The following AIMP1 variants were observed in gnomAD, a reference collection of about 807,000 sequenced individuals.
The protein encoded by AIMP1 is aminoacyl tRNA synthase complex-interacting multifunctional protein 1.
A neutral mutation model predicts 33.1 loss-of-function variants in AIMP1; 24 were observed. That is an observed-to-expected ratio of 0.73 (90% CI 0.53 to 1.02). The LOEUF is 1.02. Among genes scored for constraint, AIMP1 ranks in the 50% least tolerant of loss-of-function variants. AIMP1 has a pLI of 0.00. For missense variants in AIMP1, 367 were observed against 364.8 expected, an observed-to-expected ratio of 1.01 and a Z score of -0.05; for synonymous variants, 120 against 121.5, an observed-to-expected ratio of 0.99 and a Z score of 0.08.
intron 1 of AIMP1, among the ~76,000 whole-genome samples, chr4:106,318,302 C>A (rs1309757587): frequency 6.6e-6 from 1 of 152,144 alleles, no homozygotes; most frequent in African/African-American, 2.4e-5. Context: ...TCTTTAAATT[C>A]TGACTTTTGA....
chr4:106,321,510 C>T, intron 1 of AIMP1: 1 of 155,722 alleles, frequency 6.4e-6, no homozygotes, highest in East Asian at 1.9e-4. Context: ...CTCCGCCCGG[C>T]AGCCGCCCCG....
At chr4:106,345,212 T>A (rs1276246632) in intron 6 of AIMP1, among the ~76,000 whole-genome samples, 1 of 152,210 alleles carries the variant, frequency 6.6e-6, no homozygotes, top group Non-Finnish European at 1.5e-5. Context: ...AGCAAGAATT[T>A]ACCCACACAA....
chr4:106,340,123 G>A (rs1770039755), intron 6 of AIMP1, among the ~76,000 whole-genome samples: 1 of 152,150 alleles, frequency 6.6e-6, no homozygotes, highest in Non-Finnish European at 1.5e-5. Flanking sequence ...ATATTTATTT[G>A]ACTAGAGTAA....
At chr4:106,323,552 A>G (rs1769347398) in intron 1 of AIMP1, among the ~76,000 whole-genome samples, 1 of 151,916 alleles carries the variant, frequency 6.6e-6, no homozygotes, top group Admixed American at 6.6e-5. Flanking sequence ...TTGCAAAGCC[A>G]GAATTGTAGA....
At chr4:106,334,551 C>T (rs1000011617) in intron 5 of AIMP1, among the ~76,000 whole-genome samples, 3 of 152,104 alleles carry the variant, frequency 2.0e-5, no homozygotes, top group Non-Finnish European at 4.4e-5. Flanking sequence ...AGGTGTGAGC[C>T]ACCACACACA....
intron 6 of AIMP1, among the ~76,000 whole-genome samples, chr4:106,345,410 A>G (rs1294966943): frequency 6.6e-6 from 1 of 152,190 alleles, no homozygotes; most frequent in Non-Finnish European, 1.5e-5. Context: ...CACACAATAT[A>G]TGCACAAGAT....
chr4:106,316,327 A>G (rs892155719), upstream of AIMP1: 12 of 558,228 alleles, frequency 2.1e-5, no homozygotes, highest in Non-Finnish European at 3.9e-5. Flanking sequence ...GAAAGGACAT[A>G]TAGCGAGAGA....
chr4:106,347,635 G>T lies in AIMP1; in HGVS notation c.882G>T (p.Glu294Asp). 1.2e-6 allele frequency: 2 copies of T among 1,613,186 alleles called. No individual in the cohort carries two copies. The highest frequency in any genetic ancestry group is 1.7e-6 in the Non-Finnish European group (2 of 1,179,556). The change falls in exon 7 of 7, where the codon GAG (glutamate) becomes GAT (aspartate). Residue 294 changes from glutamate (E) to aspartate (D), a missense_variant. Transcript: ENST00000672341. ...CVATYKGVPF[E>D]VKGKGVCRAQ... The stretch of plus-strand genomic sequence containing the variant: ...CTACATACAAAGGAGTTCCCTTTGA[G>T]GTGAAAGGGAAGGGAGTATGTAGGG...
At chr4:106,326,651 A>G (rs928790907) in intron 2 of AIMP1, among the ~76,000 whole-genome samples, 5 of 152,208 alleles carry the variant, frequency 3.3e-5, no homozygotes, top group African/African-American at 9.6e-5. Context: ...AATGACTAAA[A>G]AGAAAGACAT....
rs1318013120 is a variant in AIMP1 at position 106,349,331 on chromosome 4, A to G, written c.*1639A>G. 1 of 151,920 alleles carries G rather than the reference A, an allele frequency of 6.6e-6. No individual in the cohort carries two copies. Among genetic ancestry groups the G allele is most frequent in the Admixed American group, 6.6e-5 (1 of 15,246 alleles). The allele number at this position is 151,920 out of a possible 1,614,324, so 9.4% of individuals were successfully genotyped here. A position where few individuals can be genotyped will look rare whatever the true frequency, so the allele number is the denominator to read the frequency against. On this transcript the variant is annotated 3_prime_UTR_variant, in exon 7 of 7. Transcript: ENST00000672341. ...CTAGGTAGTTGAAATTTTCCCAACTAAATGTTGAAATACTGTACCCCAGAT... is the reference window on the plus strand; with the variant it reads ...CTAGGTAGTTGAAATTTTCCCAACTGAATGTTGAAATACTGTACCCCAGAT...
At chr4:106,329,983 A>C (rs541525482) in intron 4 of AIMP1, among the ~76,000 whole-genome samples, 1 of 151,826 alleles carries the variant, frequency 6.6e-6, no homozygotes, top group Non-Finnish European at 1.5e-5. Flanking sequence ...GGGGTTCACC[A>C]TATTGGTCAG....
At chr4:106,316,285 G>T (rs1049719485), upstream of AIMP1, 17 of 402,372 alleles carry the variant, frequency 4.2e-5, no homozygotes, top group African/African-American at 3.5e-4. Context: ...ACCCCGACTT[G>T]TGGTGTCCTT....
At chr4:106,339,112 T>G (rs926444098) in intron 6 of AIMP1, among the ~76,000 whole-genome samples, 11 of 152,196 alleles carry the variant, frequency 7.2e-5, no homozygotes, top group Admixed American at 7.2e-4. Flanking sequence ...GCTTTTGATT[T>G]TATGGCTCAT....
intron 5 of AIMP1, 117 bp from the exon 6 acceptor site, chr4:106,336,752 A>G: frequency 1.0e-6 from 1 of 999,768 alleles, no homozygotes; most frequent in South Asian, 1.3e-5. Context: ...AGACAAAGGT[A>G]CATCCACAAA....
intron 6 of AIMP1, among the ~76,000 whole-genome samples, chr4:106,340,279 T>G (rs200910458): frequency 6.8e-6 from 1 of 147,854 alleles, no homozygotes; most frequent in African/African-American, 2.4e-5. Flanking sequence ...TAAGGTTTTT[T>G]GGGTTTTTTT....
intron 2 of AIMP1, 97 bp from the exon 3 acceptor site, chr4:106,327,354 A>G: frequency 3.5e-6 from 3 of 859,152 alleles, no homozygotes; most frequent in Non-Finnish European, 5.8e-6. Context: ...AGCTAGTATT[A>G]TCCTAGCTGT....
At chr4:106,320,124 ACT>A (rs1294639315) in intron 1 of AIMP1, among the ~76,000 whole-genome samples, 4 of 151,928 alleles carry the variant, frequency 2.6e-5, no homozygotes, top group African/African-American at 7.2e-5. Context: ...CATATTAGAA[ACT>A]CTGAGGATTT....
intron 6 of AIMP1, among the ~76,000 whole-genome samples, chr4:106,339,605 A>C (rs2125927323): frequency 2.0e-5 from 3 of 152,360 alleles, no homozygotes; most frequent in Admixed American, 2.0e-4. Flanking sequence ...ATGTATCTTT[A>C]TTAGCAGCAT....
rs1770406464 is a variant in AIMP1, at chr4:106,349,177, G to A, written c.*1485G>A. The A allele has an allele frequency of 6.6e-6, 1 of 151,884 alleles. No individual in the cohort carries two copies. The highest frequency in any genetic ancestry group is 6.6e-5 in the Admixed American group (1 of 15,238). 9.4% of individuals were successfully genotyped at this position (151,884 alleles called of 1,614,324 possible). ...CAAAATGAATTTCAAAAGTTACTTT[G>A]TTCTCAAGATATGTCATTCTTTTGG... On this transcript the variant is annotated 3_prime_UTR_variant, in exon 7 of 7. Transcript: ENST00000672341.
Sources: allele counts gnomAD v4.1 joint callset (sites outside exome capture counted in the v4.1 genomes callset), GRCh38; gene constraint gnomAD v4.1.1; transcripts MANE v1.5; gene names NCBI Gene and HGNC (gene_info 2026-07-23, HGNC 2026-07-21).